TRMO: variants seen among roughly 807,000 people sequenced by gnomAD.
The protein encoded by TRMO is tRNA methyltransferase O.
Under a neutral mutation model 37.2 loss-of-function variants are expected in TRMO, and 30 were observed. That is an observed-to-expected ratio of 0.81 (90% CI 0.60 to 1.09). The LOEUF is 1.09. TRMO is among the 50% of genes least tolerant of loss of function. The pLI is 0.00. For missense variants in TRMO, 552 were observed against 549.5 expected (o/e 1.00, Z -0.05); for synonymous variants, 239 against 199.4 (o/e 1.20, Z -1.67).
chr9:97,919,100 G>A (rs1273878854), intron 1 of TRMO, among the ~76,000 whole-genome samples: 5 of 152,096 alleles, frequency 3.3e-5, no homozygotes, highest in Non-Finnish European at 1.5e-5. Context: ...ATGTTTACAG[G>A]CATTGTTTTT....
At chr9:97,917,874 G>T (rs550590355) in intron 1 of TRMO, among the ~76,000 whole-genome samples, 568 of 148,676 alleles carry the variant, frequency 3.8e-3, no homozygotes, top group Non-Finnish European at 6.5e-3. Context: ...TAGAGAAGGG[G>T]TTTTACCATG....
rs1564110152 is a variant in TRMO at position 97,913,366 on chromosome 9, AG to A, written c.409+34del. 7 of 1,613,374 alleles carry A rather than the reference AG, an allele frequency of 4.3e-6. No individual in the cohort carries two copies. The South Asian group carries it at 7.7e-5, about 18-fold the overall frequency. ...TTATTTTATAAGGCTTTTTTGGGTG[AG>A]GAAAAAGGTAAAAGTAGAAATGAAA... On this transcript the variant is annotated intron_variant, in intron 3 of 4. Transcript: ENST00000375119.
chr9:97,903,050 T>C (rs1177252141), downstream of TRMO, among the ~76,000 whole-genome samples: 2 of 152,056 alleles, frequency 1.3e-5, no homozygotes, highest in Non-Finnish European at 2.9e-5. Context: ...GAGGGTTGCT[T>C]GGTACCAGGA....
chr9:97,910,937 C>G (rs958734246), intron 3 of TRMO: 99 of 526,134 alleles, frequency 1.9e-4, no homozygotes, highest in Non-Finnish European at 1.8e-4. Context: ...AGCGCTTTCC[C>G]CACGGTAGGG....
At chr9:97,913,006 T>C (rs1451670307) in intron 3 of TRMO, 2 of 1,029,760 alleles carry the variant, frequency 1.9e-6, no homozygotes, top group Non-Finnish European at 2.7e-6. Context: ...ACCACCAGTC[T>C]ATGTGTTTTC....
At chr9:97,918,369 T>C (rs1390884839) in intron 1 of TRMO, among the ~76,000 whole-genome samples, 1 of 146,900 alleles carries the variant, frequency 6.8e-6, no homozygotes, top group African/African-American at 2.5e-5. Flanking sequence ...CCAACCTAGG[T>C]GAGCGAGACT....
At chr9:97,902,233 G>A (rs1831185197), downstream of TRMO, among the ~76,000 whole-genome samples, 2 of 152,214 alleles carry the variant, frequency 1.3e-5, no homozygotes, top group South Asian at 2.1e-4. Flanking sequence ...CCAGATAGTG[G>A]GAACATTGAA....
At chr9:97,901,534 T>C (rs866563650), downstream of TRMO, among the ~76,000 whole-genome samples, 3 of 152,188 alleles carry the variant, frequency 2.0e-5, no homozygotes, top group South Asian at 2.1e-4. Context: ...CCATCTCATT[T>C]TTAGGATTAG....
intron 2 of TRMO, chr9:97,914,139 C>T (rs1433594930): frequency 6.6e-6 from 1 of 152,474 alleles, no homozygotes; most frequent in African/African-American, 2.4e-5. Context: ...ACGTTTGCTA[C>T]ATACATAATG....
At chr9:97,917,824 A>G (rs976704276) in intron 1 of TRMO, among the ~76,000 whole-genome samples, 1 of 150,338 alleles carries the variant, frequency 6.7e-6, no homozygotes, top group Non-Finnish European at 1.5e-5. Context: ...GATTATAGGC[A>G]CGCACCAACA....
Position 97,910,079 on chromosome 9 carries a change from C to A in TRMO, c.947G>T (p.Arg316Met). Reference sequence around the variant, plus strand: ...CACGCTGCGGGGAGCTCCATCAGCCCTTCCAGCAGGGCAGTGAGGGGCCAT... The same window carrying A: ...CACGCTGCGGGGAGCTCCATCAGCCATTCCAGCAGGGCAGTGAGGGGCCAT... ...QPMAPHCPAG[R>M]ADGAPRSVVP... Residue 316 changes from arginine (R) to methionine (M), a missense_variant, in exon 4 of 5, where the codon AGG becomes ATG. Transcript: ENST00000375119. The A allele has an allele frequency of 6.2e-7, 1 of 1,613,786 alleles. No individual in the cohort carries two copies. The highest frequency in any genetic ancestry group is 8.5e-7 in the Non-Finnish European group (1 of 1,179,726).
In TRMO at chr9:97,910,572, G is replaced by GATGTCTATGTAGGGCTTGA; in HGVS notation, c.453_454insTCAAGCCCTACATAGACAT (p.Pro152SerfsTer5). The GATGTCTATGTAGGGCTTGA allele has an allele frequency of 6.2e-7, 1 of 1,613,864 alleles. No homozygotes were observed. Among genetic ancestry groups the GATGTCTATGTAGGGCTTGA allele is most frequent in the Admixed American group, 1.7e-5 (1 of 60,012 alleles). ...ATGTAGGGCTTGATGTCTAGTACGG[G>GATGTCTATGTAGGGCTTGA]TGTGCCATGTATCATGTCAATTCCA... On this transcript the variant is annotated stop_gained and frameshift_variant, in exon 4 of 5. Coordinates refer to ENST00000375119, the MANE Select transcript of TRMO (RefSeq NM_016481.5). LOFTEE classifies it high-confidence loss of function.
rs989798873 is a variant in TRMO, at chr9:97,921,441, T to C, written c.76+977A>G. 3.3e-5 allele frequency among the ~76,000 whole-genome samples: 5 copies of C among 151,434 alleles called. No individual in the cohort carries two copies. In the South Asian group the frequency reaches 6.2e-4, roughly 19 times the overall value. ...AGTGTTAATTTTTTTTTTTTTTTTT[T>C]GAGACGGAGTCTCGCTCTGTCGCCC... is the stretch of plus-strand genomic sequence containing the variant. On this transcript the variant is annotated intron_variant, in intron 1 of 4. Transcript: ENST00000375119.
rs1826062589 is a variant in TRMO at position 97,910,397 on chromosome 9, T to G, written c.629A>C (p.Gln210Pro). 6.2e-7 allele frequency: 1 copy of G among 1,614,074 alleles called. No individual in the cohort carries two copies. The highest frequency in any genetic ancestry group is 8.5e-7 in the Non-Finnish European group (1 of 1,180,042). Reference sequence around the variant, plus strand: ...TTTCCTCTTAGTGCTATGGTGGGGTTGTGGCTCATCACACCCTGAGAGCTG... The same window carrying G: ...TTTCCTCTTAGTGCTATGGTGGGGTGGTGGCTCATCACACCCTGAGAGCTG... The part of the protein sequence containing the change: ...QRQLSGCDEP[Q>P]PHHSTKRKPK... The change falls in exon 4 of 5, where the codon CAA becomes CCA. Residue 210 changes from glutamine (Q) to proline (P), a missense_variant. Physicochemically the swap from Gln to Pro is moderately conservative, Grantham distance 76. Coordinates refer to ENST00000375119, the MANE Select transcript of TRMO (RefSeq NM_016481.5).
downstream of TRMO, among the ~76,000 whole-genome samples, chr9:97,902,521 C>T (rs1185952762): frequency 4.6e-5 from 7 of 152,250 alleles, no homozygotes; most frequent in Middle Eastern, 3.4e-3. Flanking sequence ...AGGCTGATCA[C>T]GAACTCCTGA....
intron 4 of TRMO, among the ~76,000 whole-genome samples, chr9:97,906,545 C>A (rs950648208): frequency 6.6e-6 from 1 of 152,222 alleles, no homozygotes; most frequent in African/African-American, 2.4e-5. Flanking sequence ...ATTTCTGCAA[C>A]AGCTCTGAAT....
rs118147494 is a variant in TRMO, at chr9:97,913,265, T to C, written c.409+136A>G. ...TAACATTCTTTTAATCATTGTATTT[T>C]CTTCAATGTCTGGTGGTTCTCAGGA... On this transcript the variant is annotated intron_variant, in intron 3 of 4. Coordinates refer to ENST00000375119, the MANE Select transcript of TRMO (RefSeq NM_016481.5). 1.3e-3 allele frequency: 1,280 copies of C among 994,620 alleles called. 77 individuals are homozygous for C. In the East Asian group the frequency reaches 0.025, roughly 19 times the overall value. The allele number at this position is 994,620 out of a possible 1,614,324, so 61.6% of individuals were successfully genotyped here.
At chr9:97,902,928 C>T (rs1317122865), downstream of TRMO, among the ~76,000 whole-genome samples, 1 of 152,094 alleles carries the variant, frequency 6.6e-6, no homozygotes, top group African/African-American at 2.4e-5. Flanking sequence ...ACTATTTCTG[C>T]AATTTCCTGT....
chr9:97,918,761 T>A (rs1325882923), intron 1 of TRMO, among the ~76,000 whole-genome samples: 1 of 152,350 alleles, frequency 6.6e-6, no homozygotes, highest in East Asian at 1.9e-4. Context: ...AAACCCCGTG[T>A]ATACACCACC....
Sources: gnomAD v4.1 joint callset for allele counts (sites outside exome capture counted in the v4.1 genomes callset) on GRCh38, gnomAD v4.1.1 for gene constraint, MANE v1.5 for transcripts, NCBI Gene and HGNC (gene_info 2026-07-23, HGNC 2026-07-21) for gene names.